Variants in PRTFDC1 observed in about 807,000 individuals in gnomAD.
PRTFDC1 encodes phosphoribosyltransferase domain-containing protein 1.
Under a neutral mutation model 34.6 loss-of-function variants are expected in PRTFDC1, and 38 were observed. The ratio of observed to expected loss-of-function variants is 1.10; its 90% confidence interval spans 0.85 to 1.44. The LOEUF is 1.44. Among genes scored for constraint, PRTFDC1 ranks in the 40% most tolerant of loss-of-function variants. The pLI is 0.00. For missense variants in PRTFDC1, 270 were observed against 283.0 expected, an observed-to-expected ratio of 0.95 and a Z score of 0.33; for synonymous variants, 93 against 98.1, an observed-to-expected ratio of 0.95 and a Z score of 0.31.
At chr10:24,905,530 CA>C in intron 3 of PRTFDC1, among the ~76,000 whole-genome samples, 2 of 152,022 alleles carry the variant, frequency 1.3e-5, no homozygotes, top group Admixed American at 1.3e-4. Flanking sequence ...CCATGTTGGC[CA>C]AAAGGTCTCC....
intron 3 of PRTFDC1, among the ~76,000 whole-genome samples, chr10:24,899,236 AC>A (rs921674565): frequency 2.0e-5 from 3 of 152,048 alleles, no homozygotes; most frequent in Non-Finnish European, 2.9e-5. Flanking sequence ...CCAGGGAGCC[AC>A]CCCCCAATTT....
At chr10:24,854,551 C>T (rs1424670762) in intron 7 of PRTFDC1, among the ~76,000 whole-genome samples, 2 of 152,240 alleles carry the variant, frequency 1.3e-5, no homozygotes, top group Non-Finnish European at 2.9e-5. Flanking sequence ...AAAAATCAAG[C>T]TGAAGTCTGC....
At chr10:24,854,586 T>A in intron 7 of PRTFDC1, among the ~76,000 whole-genome samples, 1 of 152,182 alleles carries the variant, frequency 6.6e-6, no homozygotes, top group Non-Finnish European at 1.5e-5. Context: ...AAAAATCGCC[T>A]CTAGTGTTAG....
At chr10:24,906,292 G>A (rs1304212953) in intron 3 of PRTFDC1, among the ~76,000 whole-genome samples, 1 of 152,164 alleles carries the variant, frequency 6.6e-6, no homozygotes, top group Non-Finnish European at 1.5e-5. Context: ...CTCTGCCTCT[G>A]TCTCCATGCT....
rs542412963 is a variant in PRTFDC1 at position 24,851,484 on chromosome 10, GA to G, written c.554-21del. 11,230 of 1,112,328 alleles carry G rather than the reference GA, an allele frequency of 0.01. 7 individuals are homozygous for G. The highest frequency in any genetic ancestry group is 0.026 in the East Asian group (768 of 29,402). The allele number at this position is 1,112,328 out of a possible 1,614,324, so 68.9% of individuals were successfully genotyped here. A position where few individuals can be genotyped will look rare whatever the true frequency, so the allele number is the denominator to read the frequency against. ...CAGCATCTTAGCAGACAGAGAAAGA[GA>G]AAAAAAAAAAGGAACAAAATTTAGA... On this transcript the variant is annotated intron_variant, in intron 7 of 8. Transcript: ENST00000320152.
intron 1 of PRTFDC1, among the ~76,000 whole-genome samples, chr10:24,947,630 AT>A (rs71399942): frequency 6.6e-6 from 1 of 151,762 alleles, no homozygotes; most frequent in Non-Finnish European, 1.5e-5. Flanking sequence ...ATTAAAAATA[AT>A]TTTTTTTGTG....
intron 1 of PRTFDC1, among the ~76,000 whole-genome samples, chr10:24,949,176 A>G (rs1481899707): frequency 1.3e-5 from 2 of 151,872 alleles, no homozygotes; most frequent in Non-Finnish European, 2.9e-5. Flanking sequence ...TGCAGCCTTG[A>G]CTTCCTGGGC....
intron 3 of PRTFDC1, among the ~76,000 whole-genome samples, chr10:24,931,006 G>A (rs1370245603): frequency 6.6e-6 from 1 of 151,924 alleles, no homozygotes; most frequent in Non-Finnish European, 1.5e-5. Context: ...TATATCCTGG[G>A]CCATAGAACA....
intron 3 of PRTFDC1, among the ~76,000 whole-genome samples, chr10:24,920,492 T>C (rs941989494): frequency 6.6e-6 from 1 of 152,076 alleles, no homozygotes; most frequent in Non-Finnish European, 1.5e-5. Flanking sequence ...TGAGAACACA[T>C]GGACACAAGG....
chr10:24,938,055 G>A (rs538620673), intron 2 of PRTFDC1, among the ~76,000 whole-genome samples: 26 of 150,632 alleles, frequency 1.7e-4, no homozygotes, highest in Admixed American at 1.3e-3. Context: ...GTGAAACCCC[G>A]TCTCTACTAA....
chr10:24,925,522 T>C (rs1468598106), intron 3 of PRTFDC1, among the ~76,000 whole-genome samples: 7 of 152,224 alleles, frequency 4.6e-5, no homozygotes, highest in African/African-American at 1.2e-4. Flanking sequence ...GTTTCAGTTA[T>C]GTATTTATTA....
At chr10:24,943,128 AT>A (rs1849195208) in intron 1 of PRTFDC1, among the ~76,000 whole-genome samples, 1 of 151,316 alleles carries the variant, frequency 6.6e-6, no homozygotes, top group Admixed American at 6.6e-5. Flanking sequence ...ATGCAGTATC[AT>A]TATTATATTA....
intron 3 of PRTFDC1, among the ~76,000 whole-genome samples, chr10:24,886,233 A>G (rs1848161122): frequency 6.7e-6 from 1 of 149,254 alleles, no homozygotes; most frequent in Non-Finnish European, 1.5e-5. Flanking sequence ...GTGGGGCTAT[A>G]TGAGAAATCC....
At chr10:24,916,165 T>C (rs1848692402) in intron 3 of PRTFDC1, among the ~76,000 whole-genome samples, 1 of 152,190 alleles carries the variant, frequency 6.6e-6, no homozygotes, top group Admixed American at 6.5e-5. Flanking sequence ...GTATGGGTGA[T>C]GGCTTTGTCT....
intron 4 of PRTFDC1, among the ~76,000 whole-genome samples, chr10:24,869,466 A>G (rs1158432144): frequency 6.6e-6 from 1 of 152,202 alleles, no homozygotes; most frequent in Admixed American, 6.5e-5. Flanking sequence ...TAGTTCCCCT[A>G]CAGCTGAAAA....
rs750698041 is a variant in PRTFDC1 at position 24,952,567 on chromosome 10, C to A, written c.9G>T (p.Gly3=). 1.0e-5 allele frequency: 16 copies of A among 1,591,314 alleles called. No homozygotes were observed. In the Admixed American group the frequency reaches 2.8e-4, roughly 28 times the overall value. Residue 3 remains glycine, a synonymous_variant, in exon 1 of 9, where the codon GGG becomes GGT. Coordinates refer to ENST00000320152, the MANE Select transcript of PRTFDC1 (RefSeq NM_020200.7). The surrounding 1 kb of genome is among the most constrained non-coding windows in gnomAD (Gnocchi z 5.1). ...CGTAGTCTGGCGCCTCCTCGCTGCT[C>A]CCGGCCATGTTTCTCCCGGGGAACG... MA[G]SSEEAPDYGR...
chr10:24,943,173 C>T (rs917706454), intron 1 of PRTFDC1, among the ~76,000 whole-genome samples: 3 of 140,818 alleles, frequency 2.1e-5, no homozygotes, highest in South Asian at 2.4e-4. Flanking sequence ...ATTGTAAGTG[C>T]CTCATCTGCC....
intron 3 of PRTFDC1, among the ~76,000 whole-genome samples, chr10:24,913,125 A>G (rs115446246): frequency 0.019 from 2,908 of 152,322 alleles, 105 homozygotes; most frequent in African/African-American, 0.067. Context: ...AGCCATTGAA[A>G]TGGCAGCCAC....
At chr10:24,947,270 A>C (rs11014319) in intron 1 of PRTFDC1, among the ~76,000 whole-genome samples, 43,730 of 152,238 alleles carry the variant, frequency 0.29, 7,612 homozygotes, top group Middle Eastern at 0.42. Context: ...AGTCGATTCA[A>C]GACGATGGAA....
Sources: allele counts gnomAD v4.1 joint callset (sites outside exome capture counted in the v4.1 genomes callset), GRCh38; gene constraint gnomAD v4.1.1; non-coding constraint Gnocchi (gnomAD v3.1); transcripts MANE v1.5; gene names NCBI Gene and HGNC (gene_info 2026-07-23, HGNC 2026-07-21).